DLG2: variants seen among roughly 807,000 people sequenced by gnomAD.
DLG2 encodes disks large homolog 2.
A neutral mutation model predicts 132.5 loss-of-function variants in DLG2; 45 were observed. The observed-to-expected ratio is 0.34, with a 90% confidence interval of 0.27 to 0.44. The LOEUF is 0.44. Among genes scored for constraint, DLG2 ranks in the 20% least tolerant of loss-of-function variants. The pLI, the probability that DLG2 is intolerant of heterozygous loss-of-function variation, is 1.00. For missense variants in DLG2, 1,045 were observed against 1,196.9 expected (o/e 0.87, Z 1.87); for synonymous variants, 424 against 419.6 (o/e 1.01, Z -0.13).
intron 3 of DLG2, among the ~76,000 whole-genome samples, chr11:85,382,123 A>C (rs565042590): frequency 6.6e-6 from 1 of 152,284 alleles, no homozygotes; most frequent in Admixed American, 6.5e-5. Context: ...TCCCTATTTC[A>C]AAACTTACTT....
rs552701067 is a variant in DLG2 at position 85,502,315 on chromosome 11, T to G, written c.40+96342A>C. On this transcript the variant is annotated intron_variant, in intron 3 of 27. Coordinates refer to ENST00000376104, the MANE Select transcript of DLG2 (RefSeq NM_001142699.3). ...ATAACATTAGGAGAAATACCTACTGTAGGTGATGGGTTGATGGGTGCAGCA... is the reference window on the plus strand; with the variant it reads ...ATAACATTAGGAGAAATACCTACTGGAGGTGATGGGTTGATGGGTGCAGCA... Among the ~76,000 whole-genome samples the G allele has an allele frequency of 1.2e-3, 188 of 151,546 alleles. 1 individual carries two copies. The highest frequency in any genetic ancestry group is 4.4e-3 in the African/African-American group (182 of 41,290).
chr11:84,230,083 G>A (rs1469459791), intron 8 of DLG2, among the ~76,000 whole-genome samples: 1 of 152,096 alleles, frequency 6.6e-6, no homozygotes, highest in Non-Finnish European at 1.5e-5. Context: ...AATTTTTCAA[G>A]CCAATGAACT....
At chr11:83,462,731 G>T (rs1247264513) in intron 26 of DLG2, among the ~76,000 whole-genome samples, 6 of 152,134 alleles carry the variant, frequency 3.9e-5, no homozygotes, top group Admixed American at 3.3e-4. Context: ...GGATATTCCA[G>T]TTACCCTGAT....
chr11:83,633,530 C>T (rs1032569017), intron 18 of DLG2, among the ~76,000 whole-genome samples: 15 of 151,982 alleles, frequency 9.9e-5, no homozygotes, highest in South Asian at 2.1e-4. Context: ...TTTCCCAAAA[C>T]GTACCTGGAA....
intron 17 of DLG2, among the ~76,000 whole-genome samples, chr11:83,821,619 C>A (rs181944575): frequency 6.6e-6 from 1 of 152,230 alleles, no homozygotes; most frequent in African/African-American, 2.4e-5. Context: ...ATTTGACAGT[C>A]ATGTTTTCAT....
In DLG2 at chr11:84,289,409, C is replaced by T. The variant is rs372142352; in HGVS notation, c.520-38118G>A. The stretch of plus-strand genomic sequence containing the variant: ...TTAATACAGAAAAATTTCATTGTAG[C>T]ACTGACAGTGAGGGATCAAAAAATA... On this transcript the variant is annotated intron_variant, in intron 7 of 27. Coordinates refer to ENST00000376104, the MANE Select transcript of DLG2 (RefSeq NM_001142699.3). 4.2e-4 allele frequency among the ~76,000 whole-genome samples: 64 copies of T among 152,110 alleles called. 1 individual carries two copies. The South Asian group carries it at 0.013, about 31-fold the overall frequency.
chr11:85,549,053 C>A (rs78198666), intron 3 of DLG2, among the ~76,000 whole-genome samples: 1 of 152,042 alleles, frequency 6.6e-6, no homozygotes, highest in African/African-American at 2.4e-5. Context: ...AAAACTCCTG[C>A]GGCTAGTTCA....
At chr11:85,212,315 T>TC (rs2082304822) in intron 4 of DLG2, among the ~76,000 whole-genome samples, 1 of 152,004 alleles carries the variant, frequency 6.6e-6, no homozygotes, top group South Asian at 2.1e-4. Flanking sequence ...CCCTCTCCTC[T>TC]CCCCTTTCTT....
chr11:85,441,317 CCAT>C (rs2091766221), intron 3 of DLG2, among the ~76,000 whole-genome samples: 1 of 152,126 alleles, frequency 6.6e-6, no homozygotes, highest in Admixed American at 6.6e-5. Context: ...GTAAATGGTA[CCAT>C]CATCCACACT....
At chr11:85,525,672 AG>A (rs1440450774) in intron 3 of DLG2, among the ~76,000 whole-genome samples, 5 of 152,236 alleles carry the variant, frequency 3.3e-5, no homozygotes, top group Non-Finnish European at 5.9e-5. Context: ...AAAAGCACAA[AG>A]GACAGTAATG....
intron 6 of DLG2, chr11:85,021,137 A>G (rs1458870075): frequency 1.1e-5 from 9 of 815,746 alleles, no homozygotes; most frequent in Non-Finnish European, 2.0e-5. Context: ...AACTTTCCAG[A>G]CTTAGAAGAT....
intron 17 of DLG2, chr11:83,790,211 T>A: frequency 2.3e-6 from 2 of 886,812 alleles, no homozygotes; most frequent in Non-Finnish European, 3.6e-6. Flanking sequence ...CTCAATTAGA[T>A]CAACTATGGA....
At chr11:84,910,698 A>T (rs2091972392) in intron 6 of DLG2, among the ~76,000 whole-genome samples, 1 of 152,178 alleles carries the variant, frequency 6.6e-6, no homozygotes, top group Non-Finnish European at 1.5e-5. Context: ...GGATAGTTTG[A>T]GCCCAGGAGT....
chr11:84,674,762 G>A (rs2099709526), intron 6 of DLG2, among the ~76,000 whole-genome samples: 1 of 152,128 alleles, frequency 6.6e-6, no homozygotes. Flanking sequence ...TGTGATGTAT[G>A]TGTCCATAAA....
intron 7 of DLG2, among the ~76,000 whole-genome samples, chr11:84,514,193 G>A (rs1011392492): frequency 6.6e-6 from 1 of 151,940 alleles, no homozygotes; most frequent in African/African-American, 2.4e-5. Flanking sequence ...AGGTAATAAC[G>A]AATGCTGGTG....
At chr11:85,132,658 A>T (rs1426892782) in intron 5 of DLG2, 1 of 450,618 alleles carries the variant, frequency 2.2e-6, no homozygotes, top group African/African-American at 2.0e-5. Context: ...AAATTATACT[A>T]ATCATTTTCT....
chr11:84,269,235 T>G (rs1011996964), intron 7 of DLG2, among the ~76,000 whole-genome samples: 1 of 152,216 alleles, frequency 6.6e-6, no homozygotes, highest in African/African-American at 2.4e-5. Flanking sequence ...AGGGCAAGGT[T>G]TGACTGTGCC....
chr11:83,786,535 T>A (rs1323316479), intron 18 of DLG2, 155 bp downstream of exon 18: 1 of 609,006 alleles, frequency 1.6e-6, no homozygotes, highest in Non-Finnish European at 2.9e-6. Context: ...AAGCCACGGT[T>A]CACGTTCTTT....
At chr11:84,584,635 G>A (rs1292047798) in intron 6 of DLG2, among the ~76,000 whole-genome samples, 1 of 148,996 alleles carries the variant, frequency 6.7e-6, no homozygotes, top group Non-Finnish European at 1.5e-5. Context: ...CAAAGTGCTG[G>A]GATTATAAGC....
Sources: allele counts gnomAD v4.1 joint callset (sites outside exome capture counted in the v4.1 genomes callset), GRCh38; gene constraint gnomAD v4.1.1; transcripts MANE v1.5; gene names NCBI Gene and HGNC (gene_info 2026-07-23, HGNC 2026-07-21).